Variants in SCHIP1 observed in about 807,000 individuals in gnomAD.
SCHIP1 encodes schwannomin interacting protein 1, also known as schwannomin-interacting protein 1.
In SCHIP1, 8 loss-of-function variants were observed where a neutral mutation model predicts 29.7. The observed-to-expected ratio is 0.27, with a 90% confidence interval of 0.16 to 0.49. The LOEUF is 0.49. SCHIP1 is among the 20% of genes least tolerant of loss of function. The pLI, the probability that SCHIP1 is intolerant of heterozygous loss-of-function variation, is 0.99. For synonymous variants in SCHIP1, 76 were observed against 94.9 expected, an observed-to-expected ratio of 0.80 and a Z score of 1.16; for missense variants, 193 against 294.6, an observed-to-expected ratio of 0.66 and a Z score of 2.52.
At chr3:159,509,421 A>T in the SCHIP1 span, among the ~76,000 whole-genome samples, 212 of 152,304 alleles carry the variant, frequency 1.4e-3, 1 homozygote, top group African/African-American at 4.9e-3. Flanking sequence ...CTCTTTATCC[A>T]ATTTGCCAGT....
chr3:159,732,411 G>A, the SCHIP1 span, among the ~76,000 whole-genome samples: 2 of 152,208 alleles, frequency 1.3e-5, no homozygotes, highest in South Asian at 4.1e-4. Flanking sequence ...TTGCTGCTGT[G>A]CAGGTGAGTT....
At chr3:159,816,794 G>A in the SCHIP1 span, among the ~76,000 whole-genome samples, 31 of 152,182 alleles carry the variant, frequency 2.0e-4, no homozygotes, top group East Asian at 2.5e-3. Flanking sequence ...TGCCTAACTC[G>A]TGCTGTCTCT....
the SCHIP1 span, among the ~76,000 whole-genome samples, chr3:159,571,230 G>C: frequency 6.6e-6 from 1 of 152,146 alleles, no homozygotes; most frequent in Non-Finnish European, 1.5e-5. Flanking sequence ...TCAAGGGAAT[G>C]CTTCCAGTTT....
the SCHIP1 span, chr3:159,375,548 A>G: frequency 6.6e-6 from 1 of 152,256 alleles, no homozygotes; most frequent in African/African-American, 2.4e-5. Flanking sequence ...CATCCTGGCC[A>G]ACATGGTGAA....
the SCHIP1 span, among the ~76,000 whole-genome samples, chr3:159,470,017 A>G: frequency 2.0e-5 from 3 of 152,174 alleles, no homozygotes; most frequent in African/African-American, 7.2e-5. Flanking sequence ...TATATATAAT[A>G]CTTCACCAGC....
At chr3:159,839,748 C>A, upstream of SCHIP1, 1 of 420,578 alleles carries the variant, frequency 2.4e-6, no homozygotes, top group Non-Finnish European at 3.8e-6. Context: ...TGTGTCTGTC[C>A]CTCTCCCTCT....
chr3:159,477,084 T>C, the SCHIP1 span, among the ~76,000 whole-genome samples: 2 of 152,266 alleles, frequency 1.3e-5, no homozygotes, highest in African/African-American at 2.4e-5. Context: ...TTGCATAGTG[T>C]CCTCCAGATT....
the SCHIP1 span, among the ~76,000 whole-genome samples, chr3:159,617,863 C>T: frequency 3.9e-5 from 6 of 152,206 alleles, no homozygotes; most frequent in Middle Eastern, 3.4e-3. Flanking sequence ...GAACATTTAG[C>T]GGGCAGAGGG....
chr3:159,757,783 T>C, the SCHIP1 span, among the ~76,000 whole-genome samples: 6 of 151,572 alleles, frequency 4.0e-5, no homozygotes, highest in African/African-American at 1.5e-4. Flanking sequence ...TCCTGAAGAG[T>C]TCTCCTCTGT....
chr3:159,364,505 A>G, the SCHIP1 span, among the ~76,000 whole-genome samples: 1 of 152,244 alleles, frequency 6.6e-6, no homozygotes, highest in Admixed American at 6.5e-5. Context: ...ACTTGTGTGT[A>G]GCACATAGTA....
chr3:159,327,395 C>T, the SCHIP1 span, among the ~76,000 whole-genome samples: 2 of 152,290 alleles, frequency 1.3e-5, no homozygotes, highest in South Asian at 2.1e-4. Flanking sequence ...AGGTTCTCCC[C>T]TTGGGTAGTT....
chr3:159,505,516 A>G, the SCHIP1 span, among the ~76,000 whole-genome samples: 1 of 152,170 alleles, frequency 6.6e-6, no homozygotes, highest in Admixed American at 6.5e-5. Context: ...GTACACGTGC[A>G]CAACGTGCAG....
the SCHIP1 span, among the ~76,000 whole-genome samples, chr3:159,626,089 TATAGATAG>T: frequency 0.081 from 7,957 of 97,932 alleles, 352 homozygotes; most frequent in Non-Finnish European, 0.099. Context: ...GTGCAGCTTA[TATAGATAG>T]ATAGATAGAT....
At chr3:159,845,663 T>C (rs984229886) in intron 1 of SCHIP1, 1 of 152,264 alleles carries the variant, frequency 6.6e-6, no homozygotes, top group African/African-American at 2.4e-5. Flanking sequence ...ATCACAGTCG[T>C]GAGCCACCGC....
At chr3:159,479,894 C>T in the SCHIP1 span, among the ~76,000 whole-genome samples, 1 of 152,174 alleles carries the variant, frequency 6.6e-6, no homozygotes, top group Admixed American at 6.5e-5. Flanking sequence ...TCTTGTGGAA[C>T]CCCCATAACC....
the SCHIP1 span, among the ~76,000 whole-genome samples, chr3:159,291,985 A>T: frequency 6.6e-6 from 1 of 152,172 alleles, no homozygotes; most frequent in African/African-American, 2.4e-5. Flanking sequence ...TTGGCTTCTG[A>T]CTCAAACAAA....
chr3:159,760,917 C>G, the SCHIP1 span, among the ~76,000 whole-genome samples: 2 of 152,106 alleles, frequency 1.3e-5, no homozygotes, highest in African/African-American at 4.8e-5. Flanking sequence ...TAAACAGCAA[C>G]CTCAATACAG....
chr3:159,505,071 G>T, the SCHIP1 span, among the ~76,000 whole-genome samples: 3 of 152,178 alleles, frequency 2.0e-5, no homozygotes, highest in Non-Finnish European at 4.4e-5. Context: ...AGAGAGCAAG[G>T]TGCGTTTGCT....
chr3:159,585,328 A>G, the SCHIP1 span, among the ~76,000 whole-genome samples: 1 of 152,134 alleles, frequency 6.6e-6, no homozygotes, highest in African/African-American at 2.4e-5. Flanking sequence ...GGAATCCATG[A>G]CCTTAAAAGG....
Sources: allele counts gnomAD v4.1 joint callset (sites outside exome capture counted in the v4.1 genomes callset), GRCh38; gene constraint gnomAD v4.1.1; transcripts MANE v1.5; gene names NCBI Gene and HGNC (gene_info 2026-07-23, HGNC 2026-07-21).